DACH2: variants seen among roughly 807,000 people sequenced by gnomAD.
The protein encoded by DACH2 is dachshund family transcription factor 2, also known as dachshund homolog 2.
DACH2 carries 17 observed loss-of-function variants against 35.8 expected under a neutral mutation model. That is an observed-to-expected ratio of 0.48 (90% confidence interval 0.33 to 0.71). The LOEUF (loss-of-function observed/expected upper bound fraction) is 0.71. DACH2 is among the 30% of genes least tolerant of loss of function. The probability of loss-of-function intolerance (pLI) is 0.02; values close to 1 mark genes in which losing one functional copy is unlikely to be tolerated. For synonymous variants in DACH2, 195 were observed against 177.3 expected (o/e 1.10, Z -0.79); for missense variants, 469 against 472.7 (o/e 0.99, Z 0.07).
intron 1 of DACH2, among the ~76,000 whole-genome samples, chrX:86,348,362 G>A (rs917176958): frequency 8.9e-6 from 1 of 111,933 alleles, no homozygotes; most frequent in Non-Finnish European, 1.9e-5. Context: ...CAATAATTTT[G>A]TACTACTTAA....
intron 1 of DACH2, among the ~76,000 whole-genome samples, chrX:86,326,005 T>C (rs138630991): frequency 2.7e-4 from 30 of 111,183 alleles, no homozygotes; most frequent in African/African-American, 9.2e-4. Context: ...CACTAAATAT[T>C]GTATGTAAAA....
intron 2 of DACH2, among the ~76,000 whole-genome samples, chrX:86,407,680 A>AT (rs2036547194): frequency 8.9e-6 from 1 of 112,265 alleles, no homozygotes; most frequent in South Asian, 3.7e-4. Flanking sequence ...AGTGATGCAG[A>AT]TTTTTTTAAG....
At chrX:86,341,623 G>A (rs761936736) in intron 1 of DACH2, among the ~76,000 whole-genome samples, 1 of 112,195 alleles carries the variant, frequency 8.9e-6, no homozygotes, top group South Asian at 3.7e-4. Flanking sequence ...TAAGGCTACA[G>A]CGGCCATAGA....
At chrX:86,749,493 C>T (rs898375708) in intron 7 of DACH2, among the ~76,000 whole-genome samples, 7 of 111,196 alleles carry the variant, frequency 6.3e-5, no homozygotes, top group Non-Finnish European at 1.1e-4. Context: ...AATGGGGGGA[C>T]GACAGGTCAG....
intron 2 of DACH2, among the ~76,000 whole-genome samples, chrX:86,400,935 G>C (rs1193613890): frequency 6.2e-5 from 7 of 112,454 alleles, no homozygotes; most frequent in Admixed American, 1.9e-4. Context: ...AGTATGCAGA[G>C]ATTATTACTG....
At chrX:86,337,218 T>C (rs181623430) in intron 1 of DACH2, among the ~76,000 whole-genome samples, 86 of 110,947 alleles carry the variant, frequency 7.8e-4, no homozygotes, top group Non-Finnish European at 3.2e-4. Flanking sequence ...ATTCAGGAAA[T>C]ACAGAGAATG....
At chrX:86,275,624 G>T (rs961776144) in intron 1 of DACH2, among the ~76,000 whole-genome samples, 1 of 111,431 alleles carries the variant, frequency 9.0e-6, no homozygotes, top group African/African-American at 3.3e-5. Context: ...ACCCTGTTGT[G>T]CTATCAAATA....
At chrX:86,497,266 A>G (rs1051476207) in intron 2 of DACH2, among the ~76,000 whole-genome samples, 3 of 111,489 alleles carry the variant, frequency 2.7e-5, no homozygotes, top group African/African-American at 9.8e-5. Flanking sequence ...TACAAATGCA[A>G]ATTCTCTGGG....
intron 4 of DACH2, among the ~76,000 whole-genome samples, chrX:86,677,577 A>C (rs2148429848): frequency 8.9e-6 from 1 of 112,363 alleles, no homozygotes; most frequent in South Asian, 3.6e-4. Flanking sequence ...GGAGGTGGAT[A>C]TTAGTCCTAA....
chrX:86,742,837 T>C (rs2041670820), intron 7 of DACH2: 1 of 119,179 alleles, frequency 8.4e-6, no homozygotes, highest in South Asian at 2.8e-4. Context: ...AATAGATTCA[T>C]ACCAGATTTG....
chrX:86,330,648 T>C (rs973626332), intron 1 of DACH2, among the ~76,000 whole-genome samples: 1 of 112,012 alleles, frequency 8.9e-6, no homozygotes, highest in Admixed American at 9.5e-5. Context: ...AATGGTAGTA[T>C]ATAATTAAAT....
chrX:86,389,345 C>T (rs1409771254), intron 2 of DACH2, among the ~76,000 whole-genome samples: 1 of 112,313 alleles, frequency 8.9e-6, no homozygotes, highest in Admixed American at 9.5e-5. Context: ...ATTTAGGAAT[C>T]TTTCCTTGCA....
chrX:86,348,640 C>T (rs1170915385), intron 1 of DACH2, among the ~76,000 whole-genome samples: 1 of 110,447 alleles, frequency 9.1e-6, no homozygotes, highest in Non-Finnish European at 1.9e-5. Context: ...TTTTTTTAAT[C>T]GAATAAAGCC....
intron 7 of DACH2, among the ~76,000 whole-genome samples, chrX:86,798,376 C>T (rs144840109): frequency 0.13 from 14,794 of 111,987 alleles, 884 homozygotes; most frequent in South Asian, 0.4. Flanking sequence ...TCCATCCAGA[C>T]TGTTAAATAT....
chrX:86,155,032 C>A (rs1172823996), intron 1 of DACH2, among the ~76,000 whole-genome samples: 1 of 110,844 alleles, frequency 9.0e-6, no homozygotes, highest in Non-Finnish European at 1.9e-5. Context: ...AGTGTAGCTG[C>A]TTAATAGTGC....
intron 3 of DACH2, among the ~76,000 whole-genome samples, chrX:86,597,758 A>G (rs935544845): frequency 2.7e-5 from 3 of 111,817 alleles, no homozygotes; most frequent in African/African-American, 9.8e-5. Context: ...TAAGTGGAAT[A>G]TTGAAGTCTC....
intron 7 of DACH2, among the ~76,000 whole-genome samples, chrX:86,769,971 G>A (rs1385667704): frequency 9.4e-6 from 1 of 106,487 alleles, no homozygotes. Context: ...CAACCAGACT[G>A]GGCAACATGG....
intron 7 of DACH2, among the ~76,000 whole-genome samples, chrX:86,777,418 G>C (rs185923470): frequency 5.4e-4 from 60 of 111,022 alleles, no homozygotes; most frequent in East Asian, 3.7e-3. Context: ...CCCTAGAGAA[G>C]AGGGTTATCA....
chrX:86,265,683 G>A (rs2033698898), intron 1 of DACH2, among the ~76,000 whole-genome samples: 1 of 111,548 alleles, frequency 9.0e-6, no homozygotes, highest in African/African-American at 3.3e-5. Flanking sequence ...GCCTGTTAAA[G>A]CATATTCCAC....
Sources: gnomAD v4.1 joint callset for allele counts (sites outside exome capture counted in the v4.1 genomes callset) on GRCh38, gnomAD v4.1.1 for gene constraint, MANE v1.5 for transcripts, NCBI Gene and HGNC (gene_info 2026-07-23, HGNC 2026-07-21) for gene names.